RIMKLB: variants seen among roughly 807,000 people sequenced by gnomAD.
RIMKLB encodes the protein ribosomal modification protein rimK like family member B.
In RIMKLB, 7 loss-of-function variants were observed where a neutral mutation model predicts 32.0. The observed-to-expected ratio is 0.22, with a 90% confidence interval of 0.12 to 0.41. RIMKLB has a LOEUF of 0.41. RIMKLB is among the 10% of genes least tolerant of loss of function. RIMKLB has a pLI of 1.00. For missense variants in RIMKLB, 289 were observed against 498.7 expected, an observed-to-expected ratio of 0.58 and a Z score of 4.00; for synonymous variants, 172 against 185.1, an observed-to-expected ratio of 0.93 and a Z score of 0.57.
the RIMKLB span, among the ~76,000 whole-genome samples, chr12:8,671,603 C>G: frequency 1.3e-5 from 2 of 151,852 alleles, no homozygotes; most frequent in South Asian, 4.2e-4. Context: ...AACTTTTATG[C>G]TCTGCTTTCC....
chr12:8,713,763 A>G, intron 1 of RIMKLB, 48 bp from the exon 2 acceptor site: 1 of 1,130,540 alleles, frequency 8.8e-7, no homozygotes, highest in Non-Finnish European at 1.3e-6. Flanking sequence ...CCAGAAATCA[A>G]GTAGATTTCT....
chr12:8,701,031 A>G (rs761538648), intron 1 of RIMKLB, among the ~76,000 whole-genome samples: 15 of 152,108 alleles, frequency 9.9e-5, no homozygotes, highest in African/African-American at 2.9e-4. Context: ...TTATCACTGC[A>G]CTCCAGCTTG....
At chr12:8,707,611 A>G (rs1944011026) in intron 1 of RIMKLB, among the ~76,000 whole-genome samples, 1 of 152,176 alleles carries the variant, frequency 6.6e-6, no homozygotes, top group Non-Finnish European at 1.5e-5. Context: ...TCCCGTCTCC[A>G]GAGGTTAGGG....
At chr12:8,772,838 C>G (rs1950516813) in intron 5 of RIMKLB, among the ~76,000 whole-genome samples, 1 of 152,224 alleles carries the variant, frequency 6.6e-6, no homozygotes, top group Non-Finnish European at 1.5e-5. Flanking sequence ...TCACTTATAT[C>G]CAGCCAGCTA....
intron 2 of RIMKLB, among the ~76,000 whole-genome samples, chr12:8,728,611 A>C (rs778200387): frequency 6.6e-6 from 1 of 152,116 alleles, no homozygotes; most frequent in East Asian, 1.9e-4. Flanking sequence ...AGTCCTACTT[A>C]GGCTTTTTTT....
intron 1 of RIMKLB, among the ~76,000 whole-genome samples, chr12:8,710,783 A>G (rs1302700866): frequency 6.6e-6 from 1 of 152,030 alleles, no homozygotes; most frequent in African/African-American, 2.4e-5. Flanking sequence ...CCTGACTGCT[A>G]TTGGGGCAGC....
At chr12:8,761,539 T>A (rs1243045869) in intron 5 of RIMKLB, among the ~76,000 whole-genome samples, 1 of 152,132 alleles carries the variant, frequency 6.6e-6, no homozygotes, top group Non-Finnish European at 1.5e-5. Context: ...CCCCCTGTGC[T>A]CTTCAGGCGA....
chr12:8,743,811 G>A (rs1016902201), intron 2 of RIMKLB, among the ~76,000 whole-genome samples: 3 of 151,868 alleles, frequency 2.0e-5, no homozygotes, highest in Admixed American at 1.3e-4. Context: ...TTATTGTTAC[G>A]TTAGCACTTT....
At chr12:8,755,213 A>G (rs1258632798) in intron 5 of RIMKLB, among the ~76,000 whole-genome samples, 1 of 151,842 alleles carries the variant, frequency 6.6e-6, no homozygotes, top group Non-Finnish European at 1.5e-5. Context: ...GGCCTCCCAG[A>G]ATGCTGGGAT....
chr12:8,772,080 G>T (rs1211498716), intron 5 of RIMKLB, among the ~76,000 whole-genome samples: 3 of 152,054 alleles, frequency 2.0e-5, no homozygotes, highest in African/African-American at 4.8e-5. Context: ...GTAGAAACGA[G>T]GTTTCACCAT....
intron 2 of RIMKLB, among the ~76,000 whole-genome samples, chr12:8,737,770 A>C (rs1257644161): frequency 6.6e-6 from 1 of 152,126 alleles, no homozygotes; most frequent in Non-Finnish European, 1.5e-5. Flanking sequence ...GCTGCAGTGC[A>C]ATGGCGTGAT....
chr12:8,694,399 T>TC (rs1591607412), upstream of RIMKLB, among the ~76,000 whole-genome samples: 1 of 144,814 alleles, frequency 6.9e-6, no homozygotes, highest in African/African-American at 2.6e-5. Flanking sequence ...TTTTTTTCTT[T>TC]TTTTTTTTTT....
intron 1 of RIMKLB, among the ~76,000 whole-genome samples, chr12:8,703,035 C>G (rs1943535029): frequency 6.6e-6 from 1 of 152,148 alleles, no homozygotes; most frequent in African/African-American, 2.4e-5. Flanking sequence ...CCTGTAATCC[C>G]AACACTTTGT....
At chr12:8,765,885 C>G (rs1200534779) in intron 5 of RIMKLB, among the ~76,000 whole-genome samples, 1 of 152,084 alleles carries the variant, frequency 6.6e-6, no homozygotes, top group Non-Finnish European at 1.5e-5. Context: ...TGGCACTTCA[C>G]TCCATTTGCC....
In RIMKLB at chr12:8,775,093, T is replaced by C. The variant is rs1950655412; in HGVS notation, c.*1309T>C. On this transcript the variant is annotated 3_prime_UTR_variant, in exon 6 of 6. Coordinates refer to ENST00000535829, the MANE Select transcript of RIMKLB (RefSeq NM_001297776.2). The stretch of plus-strand genomic sequence containing the variant: ...GCTTTTTTAGGCCTTTTTGTGTATA[T>C]GTACGTTGTTTGTTTTTTTCCTTTT... The C allele has an allele frequency of 1.0e-6, 1 of 985,688 alleles. No homozygotes were observed. Among genetic ancestry groups the C allele is most frequent in the African/African-American group, 1.7e-5 (1 of 57,226 alleles). The allele number at this position is 985,688 out of a possible 1,614,324, so 61.1% of individuals were successfully genotyped here.
chr12:8,672,490 T>C, the RIMKLB span, among the ~76,000 whole-genome samples: 1 of 152,078 alleles, frequency 6.6e-6, no homozygotes. Flanking sequence ...GAAAGGCACT[T>C]CTTACATGGC....
chr12:8,673,688 CAGGTTCA>C, the RIMKLB span, among the ~76,000 whole-genome samples: 4 of 151,950 alleles, frequency 2.6e-5, no homozygotes, highest in East Asian at 7.7e-4. Flanking sequence ...CTCTGCCTCC[CAGGTTCA>C]AGAAATTCTT....
rs929400875 is a variant in RIMKLB at position 8,776,696 on chromosome 12, AATTG to A, written c.*2917_*2920del. 5.7e-5 allele frequency: 56 copies of A among 985,062 alleles called. No homozygotes were observed. In the African/African-American group the frequency reaches 8.4e-4, roughly 15 times the overall value. 61.0% of individuals were successfully genotyped at this position (985,062 alleles called of 1,614,324 possible). On this transcript the variant is annotated 3_prime_UTR_variant, in exon 6 of 6. Transcript: ENST00000535829. ...AGTTTTTTTCTTTTTTGGTGCCTAT[AATTG>A]ATTGGTCATTTCTGCTGGCTTTTCT...
At chr12:8,708,531 T>C (rs986521330) in intron 1 of RIMKLB, among the ~76,000 whole-genome samples, 1 of 152,210 alleles carries the variant, frequency 6.6e-6, no homozygotes, top group Admixed American at 6.5e-5. Flanking sequence ...AACTTTTCCT[T>C]TGTTTATTAA....
Sources: allele counts gnomAD v4.1 joint callset (sites outside exome capture counted in the v4.1 genomes callset), GRCh38; gene constraint gnomAD v4.1.1; transcripts MANE v1.5; gene names NCBI Gene and HGNC (gene_info 2026-07-23, HGNC 2026-07-21).